The following RNPEP variants were observed in gnomAD, a reference collection of about 807,000 sequenced individuals.
RNPEP encodes arginyl aminopeptidase.
Under a neutral mutation model 70.1 loss-of-function variants are expected in RNPEP, and 57 were observed. The ratio of observed to expected loss-of-function variants is 0.81; its 90% CI spans 0.66 to 1.01. The LOEUF is 1.01. Among genes scored for constraint, RNPEP ranks in the 50% least tolerant of loss-of-function variants. The pLI, the probability that RNPEP is intolerant of heterozygous loss-of-function variation, is 0.00. For missense variants in RNPEP, 787 were observed against 852.4 expected (o/e 0.92, Z 0.96); for synonymous variants, 335 against 357.4 (o/e 0.94, Z 0.71).
rs1355917687 is a variant in RNPEP at position 201,982,835 on chromosome 1, C to T, written c.169C>T (p.Arg57Trp). The T allele has an allele frequency of 4.5e-6, 6 of 1,342,726 alleles. No individual in the cohort carries two copies. The East Asian group carries it at 9.3e-5, about 21-fold the overall frequency. The allele number at this position is 1,342,726 out of a possible 1,614,324, so 83.2% of individuals were successfully genotyped here. The stretch of plus-strand genomic sequence containing the variant: ...GCCTCCAGGGCCCGGCGCAGGGAGC[C>T]GGGGGCTGAGCGGCACCGCGGTCCT... The part of the protein sequence containing the change: ...FGPPGPGAGS[R>W]GLSGTAVLDL... Residue 57 changes from arginine to tryptophan, a missense_variant, in exon 1 of 11, where the codon CGG becomes TGG. By Grantham distance (101) the Arg-to-Trp change is moderately radical. Transcript: ENST00000295640.
In RNPEP at chr1:201,997,325, C is replaced by T; in HGVS notation, c.861C>T (p.Asp287=). Residue 287 remains aspartate, a synonymous_variant, in exon 5 of 11, where the codon GAC becomes GAT. Coordinates refer to ENST00000295640, the MANE Select transcript of RNPEP (RefSeq NM_020216.4). ...LFGPYVWGRY[D]LLFMPPSFPF... ...CCTCCCCGCTTCTCGGCAGGTATGA[C>T]TTGCTCTTCATGCCACCGTCCTTTC... 1 of 1,614,060 alleles carries T rather than the reference C, an allele frequency of 6.2e-7. No homozygotes were observed. The highest frequency in any genetic ancestry group is 8.5e-7 in the Non-Finnish European group (1 of 1,179,918).
chr1:201,991,203 C>G (rs1278232307), intron 3 of RNPEP, among the ~76,000 whole-genome samples: 1 of 152,118 alleles, frequency 6.6e-6, no homozygotes, highest in African/African-American at 2.4e-5. Flanking sequence ...CAACCTCCGC[C>G]TCCTGGGTTC....
rs781226097 is a variant in RNPEP, at chr1:201,989,382, G to C, written c.589-1G>C. ...ATCTCCTAAGCTTTCTCTGTTGTCA[G>C]GTCCCAGATGGCTTCACAGCTGTGA... On this transcript the variant is annotated splice_acceptor_variant, in intron 2 of 10. Coordinates refer to ENST00000295640, the MANE Select transcript of RNPEP (RefSeq NM_020216.4). LOFTEE classifies it high-confidence loss of function. 6.2e-7 allele frequency: 1 copy of C among 1,613,618 alleles called. No homozygotes were observed. Among genetic ancestry groups the C allele is most frequent in the Non-Finnish European group, 8.5e-7 (1 of 1,179,894 alleles).
At chr1:201,983,609 G>C (rs939079740) in intron 1 of RNPEP, 18 of 1,269,612 alleles carry the variant, frequency 1.4e-5, no homozygotes, top group Non-Finnish European at 1.8e-5. Context: ...TTGCCTTCTA[G>C]TTCCACGGTT....
chr1:202,003,291 A>G lies in RNPEP; in HGVS notation c.1481A>G (p.Asp494Gly). The change falls in exon 9 of 11, where the codon GAT becomes GGT. Residue 494 changes from aspartate to glycine, a missense_variant. Transcript: ENST00000295640. ...NTPGWPPYLP[D>G]LSPGDSLMKP... ...CCCGGCTGGCCCCCGTACCTCCCTG[A>G]TCTCTCCCCTGGGGACTCACTCATG... 4 of 1,613,934 alleles carry G rather than the reference A, an allele frequency of 2.5e-6. No homozygotes were observed. The highest frequency in any genetic ancestry group is 2.5e-6 in the Non-Finnish European group (3 of 1,180,000).
chr1:201,992,329 A>C (rs535179056), intron 3 of RNPEP, among the ~76,000 whole-genome samples: 21 of 151,776 alleles, frequency 1.4e-4, no homozygotes, highest in African/African-American at 5.1e-4. Context: ...CACAACACCA[A>C]CCTTCAGGGT....
At chr1:201,993,778 CAACA>C (rs1004126257) in intron 3 of RNPEP, among the ~76,000 whole-genome samples, 16 of 152,222 alleles carry the variant, frequency 1.1e-4, no homozygotes, top group South Asian at 6.2e-4. Flanking sequence ...GACTCCGTCT[CAACA>C]AACAAACAAA....
chr1:201,997,281 A>G (rs1327485483), intron 4 of RNPEP, 38 bp from the exon 5 acceptor site: 6 of 1,540,242 alleles, frequency 3.9e-6, no homozygotes. Context: ...TGCTCCGGGA[A>G]GCCAGGGCCT....
intron 1 of RNPEP, among the ~76,000 whole-genome samples, chr1:201,984,166 G>C (rs4950750): frequency 6.6e-6 from 1 of 152,090 alleles, no homozygotes; most frequent in African/African-American, 2.4e-5. Flanking sequence ...TCCTGACCTC[G>C]TGATCCGCCT....
intron 3 of RNPEP, 132 bp from the exon 4 acceptor site, chr1:201,996,015 A>C: frequency 1.5e-6 from 1 of 665,984 alleles, no homozygotes; most frequent in Non-Finnish European, 2.7e-6. Context: ...CCGATCTTGC[A>C]CTCCGTCACT....
chr1:202,005,257 A>G (rs375664507), intron 10 of RNPEP, among the ~76,000 whole-genome samples: 2 of 152,184 alleles, frequency 1.3e-5, no homozygotes, highest in African/African-American at 2.4e-5. Context: ...CACCACCTAC[A>G]CCTTTCCAGA....
intron 7 of RNPEP, 62 bp downstream of exon 7, chr1:202,001,550 T>C: frequency 6.8e-7 from 1 of 1,462,076 alleles, no homozygotes; most frequent in Non-Finnish European, 9.6e-7. Flanking sequence ...TGATCAAGGG[T>C]AGAGGCAGGG....
chr1:202,003,302 G>C lies in RNPEP; in HGVS notation c.1492G>C (p.Gly498Arg). 1 of 1,614,084 alleles carries C rather than the reference G, an allele frequency of 6.2e-7. No homozygotes were observed. Among genetic ancestry groups the C allele is most frequent in the Non-Finnish European group, 8.5e-7 (1 of 1,180,006 alleles). ...WPPYLPDLSPGDSLMKPAEEL... is the reference protein window; with the variant it reads ...WPPYLPDLSPRDSLMKPAEEL... ...CCCGTACCTCCCTGATCTCTCCCCT[G>C]GGGACTCACTCATGAAGCCTGCTGA... The change falls in exon 9 of 11, where the codon GGG becomes CGG. Residue 498 changes from glycine (G) to arginine (R), a missense_variant. Transcript: ENST00000295640.
chr1:202,005,406 A>G (rs949733598), intron 10 of RNPEP, 152 bp from the exon 11 acceptor site: 5 of 784,342 alleles, frequency 6.4e-6, no homozygotes, highest in African/African-American at 5.2e-5. Flanking sequence ...GAATTAGAGC[A>G]CTTCTGATGA....
chr1:201,999,171 C>T (rs962997391), intron 5 of RNPEP, among the ~76,000 whole-genome samples: 15 of 151,252 alleles, frequency 9.9e-5, no homozygotes, highest in Admixed American at 6.6e-4. Context: ...GAGCCGAGAT[C>T]GTGCCACTGC....
chr1:201,984,772 A>C (rs1326546377), intron 1 of RNPEP, among the ~76,000 whole-genome samples: 1 of 149,584 alleles, frequency 6.7e-6, no homozygotes, highest in African/African-American at 2.5e-5. Context: ...TGCGTGGTAC[A>C]TGGTAAGTAA....
chr1:201,982,939 G>C lies in RNPEP; in HGVS notation c.273G>C (p.Ala91=). ...DSHPCLEVTA[A]ALRRERPGSE... is the part of the protein sequence containing the mutation. ...ACCCGTGCCTGGAGGTGACGGCGGCGGCGCTGCGGCGGGAGCGGCCCGGCT... is the reference window on the plus strand; with the variant it reads ...ACCCGTGCCTGGAGGTGACGGCGGCCGCGCTGCGGCGGGAGCGGCCCGGCT... Residue 91 remains alanine, a synonymous_variant, in exon 1 of 11, where the codon GCG becomes GCC. Coordinates refer to ENST00000295640, the MANE Select transcript of RNPEP (RefSeq NM_020216.4). 6.7e-7 allele frequency: 1 copy of C among 1,488,840 alleles called. No homozygotes were observed. The highest frequency in any genetic ancestry group is 8.9e-7 in the Non-Finnish European group (1 of 1,122,854). The allele number at this position is 1,488,840 out of a possible 1,614,324, so 92.2% of individuals were successfully genotyped here. A position where few individuals can be genotyped will look rare whatever the true frequency, so the allele number is the denominator to read the frequency against.
Position 201,997,457 on chromosome 1 carries a change from G to A in RNPEP, c.993G>A (p.Trp331Ter). The A allele has an allele frequency of 6.2e-7, 1 of 1,614,124 alleles. No homozygotes were observed. The highest frequency in any genetic ancestry group is 8.5e-7 in the Non-Finnish European group (1 of 1,180,028). Residue 331 changes from tryptophan (W) to a stop codon, truncating the protein, a stop_gained, in exon 5 of 11, where the codon TGG (tryptophan) becomes TGA (stop). Transcript: ENST00000295640. LOFTEE classifies it high-confidence loss of function. ...TCATCCATGAGATCTCCCACAGTTGGTTTGGGAACCTGGTCACCAACGCCA... is the reference window on the plus strand; with the variant it reads ...TCATCCATGAGATCTCCCACAGTTGATTTGGGAACCTGGTCACCAACGCCA... ...DVIIHEISHS[W>*]FGNLVTNANW...
Position 201,999,907 on chromosome 1 carries a change from G to T in RNPEP, c.1096G>T (p.Ala366Ser). 6.2e-7 allele frequency: 1 copy of T among 1,613,436 alleles called. No homozygotes were observed. Among genetic ancestry groups the T allele is most frequent in the Non-Finnish European group, 8.5e-7 (1 of 1,179,660 alleles). Residue 366 changes from alanine (A) to serine (S), a missense_variant, in exon 6 of 11, where the codon GCG becomes TCG. Transcript: ENST00000295640. ...RRISTILFGA[A>S]YTCLEAATGR... Reference sequence around the variant, plus strand: ...TACGTTTGATTCTGCACCAGGCGCTGCGTACACCTGCTTGGAGGCTGCAAC... The same window carrying T: ...TACGTTTGATTCTGCACCAGGCGCTTCGTACACCTGCTTGGAGGCTGCAAC...
Sources: gnomAD v4.1 joint callset for allele counts (sites outside exome capture counted in the v4.1 genomes callset) on GRCh38, gnomAD v4.1.1 for gene constraint, MANE v1.5 for transcripts, NCBI Gene and HGNC (gene_info 2026-07-23, HGNC 2026-07-21) for gene names.